The following AFF3 variants were observed in gnomAD, a reference collection of about 807,000 sequenced individuals.
AFF3 encodes the protein ALF transcription elongation factor 3.
A neutral mutation model predicts 129.7 loss-of-function variants in AFF3; 32 were observed. The ratio of observed to expected loss-of-function variants is 0.25; its 90% CI spans 0.19 to 0.33. AFF3 has a LOEUF of 0.33. Among genes scored for constraint, AFF3 ranks in the 10% least tolerant of loss-of-function variants. The pLI is 1.00. For missense variants in AFF3, 1,373 were observed against 1,592.0 expected, an observed-to-expected ratio of 0.86 and a Z score of 2.34; for synonymous variants, 644 against 635.4, an observed-to-expected ratio of 1.01 and a Z score of -0.20.
intron 13 of AFF3, among the ~76,000 whole-genome samples, chr2:99,616,340 A>C (rs1207977143): frequency 9.3e-5 from 14 of 150,882 alleles, no homozygotes; most frequent in Non-Finnish European, 1.5e-4. Flanking sequence ...GAGCTCTTTG[A>C]CTTTTTTTTT....
chr2:99,979,111 A>G (rs1168033052), intron 7 of AFF3, among the ~76,000 whole-genome samples: 3 of 152,276 alleles, frequency 2.0e-5, no homozygotes, highest in East Asian at 1.9e-4. Flanking sequence ...ATTAATAGAT[A>G]TATTTGCTTG....
intron 13 of AFF3, among the ~76,000 whole-genome samples, chr2:99,638,168 G>T (rs981382452): frequency 3.3e-5 from 5 of 151,826 alleles, no homozygotes; most frequent in African/African-American, 9.7e-5. Context: ...CCGTCTTCCA[G>T]GTTCAAGTAA....
intron 7 of AFF3, among the ~76,000 whole-genome samples, chr2:99,906,844 T>TACACACACACACAC (rs56113249): frequency 6.8e-6 from 1 of 146,348 alleles, no homozygotes; most frequent in Non-Finnish European, 1.5e-5. Flanking sequence ...CTATCCATAT[T>TACACACACACACAC]ACACACACAC....
intron 8 of AFF3, among the ~76,000 whole-genome samples, chr2:99,809,410 C>T (rs967145228): frequency 3.9e-5 from 6 of 152,184 alleles, no homozygotes; most frequent in Admixed American, 3.9e-4. Flanking sequence ...AGGTTTGCAC[C>T]CTGCTGGGGG....
intron 11 of AFF3, among the ~76,000 whole-genome samples, chr2:99,692,920 G>C (rs529674546): frequency 6.6e-6 from 1 of 152,344 alleles, no homozygotes; most frequent in South Asian, 2.1e-4. Context: ...AGGGCTCTGA[G>C]ACTCTCTGAA....
intron 11 of AFF3, among the ~76,000 whole-genome samples, chr2:99,717,879 G>A (rs1190989780): frequency 6.6e-6 from 1 of 152,216 alleles, no homozygotes; most frequent in Non-Finnish European, 1.5e-5. Context: ...TGTGTGGTAT[G>A]AGATTCATTT....
At chr2:99,737,674 T>C (rs1680373440) in intron 10 of AFF3, among the ~76,000 whole-genome samples, 1 of 151,794 alleles carries the variant, frequency 6.6e-6, no homozygotes, top group African/African-American at 2.4e-5. Flanking sequence ...ATTCACTGGG[T>C]TTCTTGACTC....
chr2:100,074,343 G>A (rs529423326), intron 4 of AFF3, among the ~76,000 whole-genome samples: 5 of 152,178 alleles, frequency 3.3e-5, no homozygotes, highest in African/African-American at 1.2e-4. Flanking sequence ...GCCACTCTCT[G>A]TGTTCTCCCA....
intron 4 of AFF3, among the ~76,000 whole-genome samples, chr2:100,035,593 C>T (rs1049264208): frequency 3.9e-5 from 6 of 152,194 alleles, no homozygotes; most frequent in East Asian, 3.9e-4. Context: ...GTCCACAATA[C>T]GGGCTTTATT....
intron 4 of AFF3, among the ~76,000 whole-genome samples, chr2:100,043,333 C>T (rs999068461): frequency 1.3e-5 from 2 of 152,148 alleles, no homozygotes; most frequent in African/African-American, 2.4e-5. Context: ...TGGCATGGTG[C>T]AGGATGCCTG....
At chr2:100,112,751 G>A (rs1691564952) in intron 2 of AFF3, among the ~76,000 whole-genome samples, 2 of 152,156 alleles carry the variant, frequency 1.3e-5, no homozygotes, top group African/African-American at 4.8e-5. Context: ...GCCCAAGGTC[G>A]TGAGAGGAGG....
intron 16 of AFF3, among the ~76,000 whole-genome samples, chr2:99,584,867 C>T (rs1677938448): frequency 6.6e-6 from 1 of 152,216 alleles, no homozygotes; most frequent in African/African-American, 2.4e-5. Flanking sequence ...CCACTAAAGT[C>T]ACTTCGAAAA....
chr2:99,815,121 A>T (rs1687118528), intron 8 of AFF3, among the ~76,000 whole-genome samples: 2 of 112,710 alleles, frequency 1.8e-5, no homozygotes, highest in Non-Finnish European at 3.5e-5. Context: ...GATTTCATCC[A>T]GGGGCAGGGG....
chr2:99,996,467 C>T (rs998487564), intron 7 of AFF3, among the ~76,000 whole-genome samples: 7 of 150,902 alleles, frequency 4.6e-5, no homozygotes, highest in Non-Finnish European at 1.0e-4. Flanking sequence ...TGGAGTGCAG[C>T]GGCGCCATCT....
At chr2:99,766,677 A>G (rs1331470820) in intron 8 of AFF3, among the ~76,000 whole-genome samples, 1 of 152,268 alleles carries the variant, frequency 6.6e-6, no homozygotes, top group Non-Finnish European at 1.5e-5. Context: ...ACCAAAATAT[A>G]AACAGGATGA....
At chr2:99,979,494 CT>C (rs879636376) in intron 7 of AFF3, among the ~76,000 whole-genome samples, 246 of 145,052 alleles carry the variant, frequency 1.7e-3, no homozygotes, top group African/African-American at 1.6e-3. Flanking sequence ...TTCTTTATCT[CT>C]TTTTTTTTTT....
intron 7 of AFF3, among the ~76,000 whole-genome samples, chr2:99,965,585 C>T (rs775332849): frequency 1.3e-5 from 2 of 152,200 alleles, no homozygotes; most frequent in Non-Finnish European, 2.9e-5. Flanking sequence ...GATCACAATC[C>T]TATATTCTTT....
chr2:99,830,579 C>T (rs1029731308), intron 8 of AFF3, among the ~76,000 whole-genome samples: 3 of 152,040 alleles, frequency 2.0e-5, no homozygotes, highest in African/African-American at 7.2e-5. Flanking sequence ...TGGTGAAAAC[C>T]CTTCTGTACT....
Position 99,550,762 on chromosome 2 carries a change from G to C in AFF3, c.*712C>G, listed in dbSNP as rs1453618960. ...CATTTGCATACTACTTGGAGGTGGG[G>C]CTGGGAAGGGCTGTGAGTGTCCATC... On this transcript the variant is annotated 3_prime_UTR_variant, in exon 25 of 25. Coordinates refer to ENST00000672756, the MANE Select transcript of AFF3 (RefSeq NM_001386135.1). 1.3e-5 allele frequency: 3 copies of C among 233,408 alleles called. No homozygotes were observed. Among genetic ancestry groups the C allele is most frequent in the African/African-American group, 6.6e-5 (3 of 45,350 alleles). 14.5% of individuals were successfully genotyped at this position (233,408 alleles called of 1,614,324 possible).
Sources: allele counts gnomAD v4.1 joint callset (sites outside exome capture counted in the v4.1 genomes callset), GRCh38; gene constraint gnomAD v4.1.1; transcripts MANE v1.5; gene names NCBI Gene and HGNC (gene_info 2026-07-23, HGNC 2026-07-21).